Variants in CERS5 observed in about 807,000 individuals in gnomAD.
CERS5 encodes ceramide synthase 5.
CERS5 carries 37 observed loss-of-function variants against 58.9 expected under a neutral mutation model. The ratio of observed to expected loss-of-function variants is 0.63; its 90% CI spans 0.48 to 0.83. The LOEUF (loss-of-function observed/expected upper bound fraction) is 0.83. Among genes scored for constraint, CERS5 ranks in the 40% least tolerant of loss-of-function variants. The pLI, the probability that CERS5 is intolerant of heterozygous loss-of-function variation, is 0.00. For missense variants in CERS5, 398 were observed against 489.3 expected (o/e 0.81, Z 1.76); for synonymous variants, 147 against 177.8 (o/e 0.83, Z 1.38).
rs1434473190 is a variant in CERS5, at chr12:50,142,081, A to C, written c.464T>G (p.Phe155Cys). The stretch of plus-strand genomic sequence containing the variant: ...CCAGAGAAATCTAATTCCATAGCAG[A>C]ATATACATAAATAAAATGTGAATCT... The part of the protein sequence containing the change: ...MWRFTFYLCI[F>C]CYGIRFLWSS... The change falls in exon 4 of 10, where the codon TTC becomes TGC. Residue 155 changes from phenylalanine to cysteine, a missense_variant. This residue lies in a region of CERS5 where 328 missense variants were observed against 384.5 expected (regional missense o/e 0.85). Transcript: ENST00000317551. The C allele has an allele frequency of 3.1e-6, 5 of 1,606,132 alleles. No homozygotes were observed. Among genetic ancestry groups the C allele is most frequent in the Non-Finnish European group, 4.3e-6 (5 of 1,173,352 alleles).
intron 1 of CERS5, among the ~76,000 whole-genome samples, chr12:50,163,355 C>T (rs1322185982): frequency 1.3e-5 from 2 of 151,716 alleles, no homozygotes; most frequent in Non-Finnish European, 2.9e-5. Context: ...CCCGCCACTA[C>T]GCGGGGCTAT....
Position 50,130,507 on chromosome 12 carries a change from A to ACAAGT in CERS5, c.*33_*37dup. On this transcript the variant is annotated 3_prime_UTR_variant, in exon 10 of 10. Transcript: ENST00000317551. The stretch of plus-strand genomic sequence containing the variant: ...AGAGGAGTATGTTGCCAGTGGCCCT[A>ACAAGT]CAAGTCCATGTGTGCTGAAGTCCCT... 1.3e-6 allele frequency: 2 copies of ACAAGT among 1,516,408 alleles called. No homozygotes were observed. Among genetic ancestry groups the ACAAGT allele is most frequent in the Non-Finnish European group, 1.8e-6 (2 of 1,115,932 alleles). 93.9% of individuals were successfully genotyped at this position (1,516,408 alleles called of 1,614,324 possible).
At chr12:50,164,859 T>C (rs1172102055) in intron 1 of CERS5, among the ~76,000 whole-genome samples, 1 of 152,178 alleles carries the variant, frequency 6.6e-6, no homozygotes, top group Non-Finnish European at 1.5e-5. Flanking sequence ...TATTTCCTCT[T>C]ACCACTAACA....
At chr12:50,133,879 C>T (rs948016662) in intron 9 of CERS5, 4 of 423,408 alleles carry the variant, frequency 9.4e-6, no homozygotes, top group Non-Finnish European at 1.3e-5. Context: ...AGAGACCAGC[C>T]TGGCCAACAT....
At position 50,137,789 on chromosome 12, in the gene CERS5, A is replaced by G. The variant is rs761523615; in HGVS notation, c.575T>C (p.Ile192Thr). The stretch of plus-strand genomic sequence containing the variant: ...GGACCAATAGAAGGCCAATTCCATG[A>G]TATAATAGTGATAAAGCCCACTTGA... Reference protein sequence around the residue: ...PLSSGLYHYYIMELAFYWSLM... With the variant: ...PLSSGLYHYYTMELAFYWSLM... Residue 192 changes from isoleucine to threonine, a missense_variant, in exon 6 of 10, where the codon ATC (isoleucine) becomes ACC (threonine). Physicochemically the swap from Ile to Thr is moderately conservative, Grantham distance 89. Transcript: ENST00000317551. The G allele has an allele frequency of 4.3e-6, 7 of 1,609,210 alleles. No homozygotes were observed. In the Admixed American group the frequency reaches 1.2e-4, roughly 27 times the overall value.
chr12:50,132,925 A>G (rs1565763608), intron 9 of CERS5: 1 of 1,288,512 alleles, frequency 7.8e-7, no homozygotes. Context: ...TCAGATGGAC[A>G]TGCCTCACTG....
intron 1 of CERS5, among the ~76,000 whole-genome samples, chr12:50,153,305 G>A (rs1938190104): frequency 9.3e-6 from 1 of 107,284 alleles, no homozygotes; most frequent in South Asian, 2.9e-4. Flanking sequence ...TTCTGAGACG[G>A]AGTCTCACTC....
rs911562042 is a variant in CERS5, at chr12:50,166,546, A to C, written c.197+555T>G. On this transcript the variant is annotated intron_variant, in intron 1 of 9. Transcript: ENST00000317551. ...CAGATTTCTACCCTCCTACCAACAA[A>C]CGTGCATGAGTTGACATACCAAACC... Among the ~76,000 whole-genome samples, 7 of 152,052 alleles carry C rather than the reference A, an allele frequency of 4.6e-5. No homozygotes were observed. In the South Asian group the frequency reaches 1.5e-3, roughly 32 times the overall value.
rs148896322 is a variant in CERS5 at position 50,131,485 on chromosome 12, G to A, written c.1030-791C>T. 9.3e-3 allele frequency among the ~76,000 whole-genome samples: 1,389 copies of A among 149,972 alleles called. 14 individuals carry two copies. Among genetic ancestry groups the A allele is most frequent in the African/African-American group, 0.033 (1,328 of 40,698 alleles). ...GAGGCAGGAGAATCTCTTGAACCCC[G>A]GAGGTGGAGGTTGCAGTGAGCTGAG... On this transcript the variant is annotated intron_variant, in intron 9 of 9. Transcript: ENST00000317551.
chr12:50,141,823 C>T (rs1037074462), intron 4 of CERS5, among the ~76,000 whole-genome samples: 4 of 151,240 alleles, frequency 2.6e-5, no homozygotes, highest in East Asian at 1.9e-4. Flanking sequence ...CCTGTAGTCC[C>T]AGCTACTCGG....
intron 9 of CERS5, chr12:50,133,002 A>G: frequency 1.6e-6 from 2 of 1,289,170 alleles, no homozygotes; most frequent in Non-Finnish European, 2.0e-6. Flanking sequence ...CAGGCATAGA[A>G]AAAAGGAAGG....
intron 1 of CERS5, chr12:50,144,427 T>G (rs779461791): frequency 4.4e-5 from 12 of 273,940 alleles, no homozygotes; most frequent in Non-Finnish European, 7.6e-5. Flanking sequence ...ACCACTAATC[T>G]ACTTCATAAG....
At chr12:50,156,420 C>CTATATATATATATGTA (rs1555198357) in intron 1 of CERS5, among the ~76,000 whole-genome samples, 1 of 77,322 alleles carries the variant, frequency 1.3e-5, no homozygotes, top group Non-Finnish European at 2.7e-5. Context: ...AACAAACAAA[C>CTATATATATATATGTA]TATATATATA....
intron 1 of CERS5, among the ~76,000 whole-genome samples, chr12:50,158,321 C>G (rs912159157): frequency 2.6e-5 from 4 of 152,076 alleles, no homozygotes; most frequent in Non-Finnish European, 1.5e-5. Context: ...AAGGGATAAC[C>G]ACTGATTTTG....
intron 1 of CERS5, among the ~76,000 whole-genome samples, chr12:50,148,275 C>T (rs1952414639): frequency 6.6e-6 from 1 of 151,740 alleles, no homozygotes; most frequent in Non-Finnish European, 1.5e-5. Flanking sequence ...TGCACTTCAG[C>T]CTGTGTGATA....
At chr12:50,153,825 A>C in intron 1 of CERS5, 1 of 406,436 alleles carries the variant, frequency 2.5e-6, no homozygotes. Flanking sequence ...GTGATGGCGC[A>C]TACCCATAAT....
intron 5 of CERS5, among the ~76,000 whole-genome samples, chr12:50,138,352 T>C (rs1216641307): frequency 2.6e-5 from 4 of 151,252 alleles, no homozygotes; most frequent in South Asian, 4.2e-4. Context: ...TGGATTTCAT[T>C]GCTATGGGGG....
At position 50,135,308 on chromosome 12, in the gene CERS5, A is replaced by AGTGT. The variant is rs56858635; in HGVS notation, c.872+420_872+423dup. ...GGAGAGGGAGGAAGAGAGAGAGAGG[A>AGTGT]GTGTGTGTGTGTGTGTGTGTGTGTG... On this transcript the variant is annotated intron_variant, in intron 8 of 9. Transcript: ENST00000317551. The AGTGT allele has an allele frequency of 6.8e-3, 1,151 of 168,962 alleles. 25 individuals are homozygous for AGTGT. The highest frequency in any genetic ancestry group is 0.027 in the African/African-American group (686 of 25,226). 10.5% of individuals were successfully genotyped at this position (168,962 alleles called of 1,614,324 possible). A position where few individuals can be genotyped will look rare whatever the true frequency, so the allele number is the denominator to read the frequency against.
chr12:50,134,182 A>G, intron 9 of CERS5: 1 of 304,618 alleles, frequency 3.3e-6, no homozygotes, highest in South Asian at 3.2e-5. Context: ...GTAGTTGGAC[A>G]TTGGCCTGGG....
Sources: gnomAD v4.1 joint callset for allele counts (sites outside exome capture counted in the v4.1 genomes callset) on GRCh38, gnomAD v4.1.1 for gene constraint, gnomAD v4.1.1 regional missense constraint, MANE v1.5 for transcripts, NCBI Gene and HGNC (gene_info 2026-07-23, HGNC 2026-07-21) for gene names.